BLM: variants seen among roughly 807,000 people sequenced by gnomAD.
The protein encoded by BLM is recQ-like DNA helicase BLM.
Under a neutral mutation model 135.3 loss-of-function variants are expected in BLM, and 95 were observed. The ratio of observed to expected loss-of-function variants is 0.70; its 90% CI spans 0.59 to 0.83. The LOEUF (loss-of-function observed/expected upper bound fraction) is 0.83. BLM is among the 40% of genes least tolerant of loss of function. The pLI, the probability that BLM is intolerant of heterozygous loss-of-function variation, is 0.00. For missense variants in BLM, 1,518 were observed against 1,663.9 expected, an observed-to-expected ratio of 0.91 and a Z score of 1.53; for synonymous variants, 520 against 589.2, an observed-to-expected ratio of 0.88 and a Z score of 1.70.
chr15:90,761,201 G>T lies in BLM; in HGVS notation c.1828G>T (p.Val610Leu). 1 of 1,533,512 alleles carries T rather than the reference G, an allele frequency of 6.5e-7. No homozygotes were observed. The highest frequency in any genetic ancestry group is 1.3e-5 in the South Asian group (1 of 76,386). 95.0% of individuals were successfully genotyped at this position (1,533,512 alleles called of 1,614,324 possible). A position where few individuals can be genotyped will look rare whatever the true frequency, so the allele number is the denominator to read the frequency against. Residue 610 changes from valine to leucine, a missense_variant, in exon 7 of 22, where the codon GTG becomes TTG. By Grantham distance (32) the Val-to-Leu change is conservative. Transcript: ENST00000355112. ...CTCAGCCAAGACAGACTGTCTTCCA[G>T]TGTCATCTACTGCTCAAAATATAAA... ...LSSAKTDCLP[V>L]SSTAQNINFS...
At position 90,760,854 on chromosome 15, in the gene BLM, C is replaced by T. The variant is rs751600686; in HGVS notation, c.1481C>T (p.Thr494Ile). The T allele has an allele frequency of 9.9e-6, 16 of 1,613,922 alleles. No individual in the cohort carries two copies. The highest frequency in any genetic ancestry group is 1.4e-5 in the Non-Finnish European group (16 of 1,180,030). Residue 494 changes from threonine to isoleucine, a missense_variant, in exon 7 of 22, where the codon ACC becomes ATC. Coordinates refer to ENST00000355112, the MANE Select transcript of BLM (RefSeq NM_000057.4). ...KNLFERPLFN[T>I]HLQKSFVSSN... ...CTTTTTGAAAGGCCTTTATTCAATA[C>T]CCATTTACAGAAGTCCTTTGTAAGT...
At chr15:90,770,720 A>T (rs188945950) in intron 12 of BLM, among the ~76,000 whole-genome samples, 1 of 152,252 alleles carries the variant, frequency 6.6e-6, no homozygotes, top group African/African-American at 2.4e-5. Context: ...GAATTTTTAA[A>T]GCACGGCTTT....
chr15:90,807,124 C>T (rs748926980), intron 19 of BLM, among the ~76,000 whole-genome samples: 10 of 152,160 alleles, frequency 6.6e-5, no homozygotes, highest in Non-Finnish European at 1.3e-4. Flanking sequence ...TTCTCATTAG[C>T]CATAAGGCAT....
At chr15:90,774,718 C>T (rs950037885) in intron 12 of BLM, among the ~76,000 whole-genome samples, 1 of 150,578 alleles carries the variant, frequency 6.6e-6, no homozygotes, top group African/African-American at 2.4e-5. Context: ...CCTATAGTCG[C>T]AGCTACTCGG....
intron 15 of BLM, among the ~76,000 whole-genome samples, chr15:90,793,455 C>T (rs1399100822): frequency 6.6e-6 from 1 of 152,170 alleles, no homozygotes; most frequent in East Asian, 1.9e-4. Flanking sequence ...TAAGTAACAA[C>T]AGTTGCTTAC....
At chr15:90,745,473 A>G (rs1895475622) in intron 1 of BLM, among the ~76,000 whole-genome samples, 2 of 152,136 alleles carry the variant, frequency 1.3e-5, no homozygotes, top group Non-Finnish European at 2.9e-5. Context: ...GCAGTGGCAC[A>G]ATCTCAGCTC....
At chr15:90,767,141 C>A in intron 10 of BLM, 118 bp downstream of exon 10, 1 of 614,340 alleles carries the variant, frequency 1.6e-6, no homozygotes, top group Non-Finnish European at 2.8e-6. Flanking sequence ...AACTTTCATC[C>A]AGAAACCCCA....
At chr15:90,795,440 A>G (rs1282381309) in intron 16 of BLM, among the ~76,000 whole-genome samples, 1 of 152,100 alleles carries the variant, frequency 6.6e-6, no homozygotes, top group Non-Finnish European at 1.5e-5. Flanking sequence ...AGATCATGCC[A>G]TTGCACTCCA....
intron 1 of BLM, among the ~76,000 whole-genome samples, chr15:90,726,559 C>T (rs907769011): frequency 2.6e-5 from 4 of 152,188 alleles, no homozygotes; most frequent in Non-Finnish European, 5.9e-5. Context: ...TGAGCCACCA[C>T]ACCCAGCCAA....
At chr15:90,800,541 GT>G (rs1897139192) in intron 17 of BLM, among the ~76,000 whole-genome samples, 1 of 152,128 alleles carries the variant, frequency 6.6e-6, no homozygotes, top group Non-Finnish European at 1.5e-5. Flanking sequence ...TAAGCTGGGC[GT>G]GGTGGCACAC....
chr15:90,752,612 A>T (rs997865342), intron 4 of BLM, among the ~76,000 whole-genome samples: 45 of 152,258 alleles, frequency 3.0e-4, no homozygotes, highest in African/African-American at 1.0e-3. Flanking sequence ...AAAATCCTAC[A>T]GGATAGAATT....
At position 90,760,202 on chromosome 15, in the gene BLM, A is replaced by G. The variant is rs2151157332; in HGVS notation, c.1143A>G (p.Lys381=). Residue 381 remains lysine, a synonymous_variant, in exon 6 of 22, where the codon AAA becomes AAG. Coordinates refer to ENST00000355112, the MANE Select transcript of BLM (RefSeq NM_000057.4). ...QLIHVMEHIC[K]LIDTIPDDKL... ...TTCATGTGATGGAGCACATCTGTAA[A>G]TTAATTGATACTATTCCTGATGATA... 1 of 1,613,596 alleles carries G rather than the reference A, an allele frequency of 6.2e-7. No individual in the cohort carries two copies. The highest frequency in any genetic ancestry group is 8.5e-7 in the Non-Finnish European group (1 of 1,179,518).
intron 8 of BLM, among the ~76,000 whole-genome samples, chr15:90,765,074 C>T (rs1233613656): frequency 6.6e-6 from 1 of 151,480 alleles, no homozygotes; most frequent in Non-Finnish European, 1.5e-5. Flanking sequence ...GTCTCAAAGA[C>T]AAAAACAAAA....
Position 90,807,926 on chromosome 15 carries a change from G to A in BLM, c.3752-1211G>A, listed in dbSNP as rs139326349. On this transcript the variant is annotated intron_variant, in intron 19 of 21. Transcript: ENST00000355112. ...CTCACAAGCATGAGCAGTAACAACC[G>A]CAAGGCAGCTGCCATTTAGCCATCA... Among the ~76,000 whole-genome samples the A allele has an allele frequency of 2.1e-3, 318 of 152,286 alleles. 1 individual carries two copies. Among genetic ancestry groups the A allele is most frequent in the African/African-American group, 7.4e-3 (308 of 41,568 alleles).
At chr15:90,767,216 G>A (rs1328187557) in intron 10 of BLM, among the ~76,000 whole-genome samples, 193 bp downstream of exon 10, 1 of 152,126 alleles carries the variant, frequency 6.6e-6, no homozygotes, top group African/African-American at 2.4e-5. Context: ...TGACACATTT[G>A]ATTGAAAATT....
At chr15:90,781,046 GA>G (rs1299255925) in intron 12 of BLM, among the ~76,000 whole-genome samples, 2 of 152,176 alleles carry the variant, frequency 1.3e-5, no homozygotes, top group Non-Finnish European at 2.9e-5. Context: ...AGAACAGACT[GA>G]AAAGACAAGA....
At position 90,800,713 on chromosome 15, in the gene BLM, G is replaced by A. The variant is rs564647903; in HGVS notation, c.3358+2376G>A. ...AAAGAAGGAACAGGGCCCACCCAAC[G>A]TAGAGAGAGAGTAAGAAAGGAATGG... On this transcript the variant is annotated intron_variant, in intron 17 of 21. Transcript: ENST00000355112. 1.6e-3 allele frequency among the ~76,000 whole-genome samples: 237 copies of A among 147,084 alleles called. 1 individual carries two copies. Among genetic ancestry groups the A allele is most frequent in the Middle Eastern group, 0.011 (3 of 282 alleles).
intron 9 of BLM, among the ~76,000 whole-genome samples, chr15:90,765,712 T>C (rs1896106779): frequency 6.6e-6 from 1 of 152,268 alleles, no homozygotes; most frequent in South Asian, 2.1e-4. Context: ...GGCATAGTTC[T>C]CTTTCCCTTA....
chr15:90,767,692 G>T (rs1896172605), intron 10 of BLM, among the ~76,000 whole-genome samples: 1 of 152,228 alleles, frequency 6.6e-6, no homozygotes, highest in South Asian at 2.1e-4. Context: ...GCTTGGTTAT[G>T]GTAGTGTCTG....
Sources: allele counts gnomAD v4.1 joint callset (sites outside exome capture counted in the v4.1 genomes callset), GRCh38; gene constraint gnomAD v4.1.1; transcripts MANE v1.5; gene names NCBI Gene and HGNC (gene_info 2026-07-23, HGNC 2026-07-21).